The following CNTNAP2 variants were observed in gnomAD, a reference collection of about 807,000 sequenced individuals.
The protein encoded by CNTNAP2 is contactin associated protein 2, also known as contactin-associated protein-like 2.
In CNTNAP2, 98 loss-of-function variants were observed where a neutral mutation model predicts 155.2. The ratio of observed to expected loss-of-function variants is 0.63; its 90% CI spans 0.54 to 0.75. The LOEUF (loss-of-function observed/expected upper bound fraction) is 0.75. Among genes scored for constraint, CNTNAP2 ranks in the 30% least tolerant of loss-of-function variants. CNTNAP2 has a pLI of 0.00. For missense variants in CNTNAP2, 1,727 were observed against 1,688.1 expected (o/e 1.02, Z -0.40); for synonymous variants, 651 against 631.2 (o/e 1.03, Z -0.47).
rs778811922 is a variant in CNTNAP2, at chr7:148,383,634, CT to C, written c.3476-8del. The C allele has an allele frequency of 1.2e-6, 2 of 1,614,110 alleles. No individual in the cohort carries two copies. The highest frequency in any genetic ancestry group is 2.2e-5 in the South Asian group (2 of 91,084). ...GGTGAGTCAAGTAACATTTTCATTT[CT>C]TTTTTTCTTTTAGAAACAGGGAAAA... On this transcript the variant is annotated splice_polypyrimidine_tract_variant and intron_variant, in intron 21 of 23. Transcript: ENST00000361727.
intron 1 of CNTNAP2, among the ~76,000 whole-genome samples, chr7:146,226,964 C>G (rs994222890): frequency 6.6e-6 from 1 of 152,108 alleles, no homozygotes; most frequent in African/African-American, 2.4e-5. Flanking sequence ...TATCCATTGA[C>G]TCTCAAATAT....
chr7:146,882,193 C>G (rs548991387), intron 3 of CNTNAP2, among the ~76,000 whole-genome samples: 2 of 152,026 alleles, frequency 1.3e-5, no homozygotes, highest in Non-Finnish European at 2.9e-5. Flanking sequence ...AACCATATTT[C>G]CTTCATTCAA....
In CNTNAP2 at chr7:146,613,834, CT is replaced by C. The variant is rs1400426911; in HGVS notation, c.98-160433del. ...ACATGATCTTTAAGTGTTCTTTCAG[CT>C]TTTCTTTCACAGTTTTCTGTTGAGT... is the stretch of plus-strand genomic sequence containing the variant. On this transcript the variant is annotated intron_variant, in intron 1 of 23. Transcript: ENST00000361727. Among the ~76,000 whole-genome samples the C allele has an allele frequency of 1.4e-4, 6 of 42,652 alleles. No homozygotes were observed. The East Asian group carries it at 1.6e-3, about 12-fold the overall frequency. The allele number at this position is 42,652 out of a possible 152,430, so 28.0% of individuals were successfully genotyped here.
At chr7:147,881,254 A>G (rs150199572) in intron 13 of CNTNAP2, among the ~76,000 whole-genome samples, 231 of 152,324 alleles carry the variant, frequency 1.5e-3, no homozygotes, top group African/African-American at 5.3e-3. Context: ...ATGTAGCACC[A>G]CCAAATGCAG....
intron 1 of CNTNAP2, among the ~76,000 whole-genome samples, chr7:146,488,667 T>G (rs13437747): frequency 0.25 from 38,037 of 151,946 alleles, 7,403 homozygotes; most frequent in African/African-American, 0.55. Flanking sequence ...TCACTCTGTT[T>G]TTTGTGCTGG....
intron 1 of CNTNAP2, among the ~76,000 whole-genome samples, chr7:146,496,572 T>G (rs924400445): frequency 3.3e-5 from 5 of 152,182 alleles, no homozygotes; most frequent in Non-Finnish European, 5.9e-5. Flanking sequence ...CTTGTGATCT[T>G]CTAGAAGGGT....
chr7:148,184,276 T>A (rs1040876927), intron 18 of CNTNAP2, among the ~76,000 whole-genome samples: 3 of 152,228 alleles, frequency 2.0e-5, no homozygotes, highest in South Asian at 4.1e-4. Context: ...ATAAAAAAAA[T>A]AAATATCTAA....
intron 3 of CNTNAP2, among the ~76,000 whole-genome samples, chr7:146,843,670 C>A (rs1803787749): frequency 6.7e-6 from 1 of 149,148 alleles, no homozygotes; most frequent in African/African-American, 2.5e-5. Flanking sequence ...TCTAAAAATT[C>A]TTGAATATTT....
chr7:147,722,530 A>G (rs988839830), intron 13 of CNTNAP2, among the ~76,000 whole-genome samples: 2 of 152,126 alleles, frequency 1.3e-5, no homozygotes, highest in East Asian at 3.9e-4. Flanking sequence ...CAACAAGCAT[A>G]TGAAGGGAAA....
intron 1 of CNTNAP2, among the ~76,000 whole-genome samples, chr7:146,448,419 T>C (rs2129121677): frequency 6.6e-6 from 1 of 152,044 alleles, no homozygotes; most frequent in East Asian, 1.9e-4. Context: ...TTAAAGTTAT[T>C]TTTATTTCCG....
chr7:147,936,301 T>TA (rs1800605781), intron 14 of CNTNAP2, among the ~76,000 whole-genome samples: 1 of 39,328 alleles, frequency 2.5e-5, no homozygotes, highest in Admixed American at 3.8e-4. Context: ...ATTTATTTTA[T>TA]TTTTTTTTTT....
At chr7:147,435,552 G>C (rs748551163) in intron 10 of CNTNAP2, among the ~76,000 whole-genome samples, 2 of 152,230 alleles carry the variant, frequency 1.3e-5, no homozygotes, top group African/African-American at 4.8e-5. Flanking sequence ...TTGTGACTTA[G>C]CAAGGCTGTT....
intron 1 of CNTNAP2, among the ~76,000 whole-genome samples, chr7:146,351,761 T>G (rs1342204137): frequency 6.6e-6 from 1 of 152,192 alleles, no homozygotes; most frequent in Non-Finnish European, 1.5e-5. Context: ...TTATCTAAGT[T>G]CTTCTAAACT....
chr7:147,383,223 C>G (rs1233526839), intron 9 of CNTNAP2, among the ~76,000 whole-genome samples: 1 of 152,112 alleles, frequency 6.6e-6, no homozygotes, highest in East Asian at 1.9e-4. Context: ...TTACTCAATA[C>G]ATTTTTCTTC....
chr7:147,561,243 T>C (rs146117803), intron 11 of CNTNAP2, among the ~76,000 whole-genome samples: 1 of 152,346 alleles, frequency 6.6e-6, no homozygotes, highest in African/African-American at 2.4e-5. Flanking sequence ...CAAGTGCAAC[T>C]TACCCAAAGA....
chr7:148,227,926 TGTGTGTGTGA>T (rs1168834600), intron 19 of CNTNAP2, among the ~76,000 whole-genome samples: 1 of 150,454 alleles, frequency 6.6e-6, no homozygotes, highest in Non-Finnish European at 1.5e-5. Context: ...TGTGTGTGTG[TGTGTGTGTGA>T]AAGTCTGGAA....
intron 15 of CNTNAP2, among the ~76,000 whole-genome samples, chr7:148,104,774 G>C (rs945809275): frequency 6.6e-6 from 1 of 152,172 alleles, no homozygotes; most frequent in African/African-American, 2.4e-5. Context: ...AAGATGACTA[G>C]CATATCAGAT....
At chr7:146,810,688 A>C (rs1305486279) in intron 2 of CNTNAP2, among the ~76,000 whole-genome samples, 2 of 152,010 alleles carry the variant, frequency 1.3e-5, no homozygotes, top group Non-Finnish European at 2.9e-5. Flanking sequence ...TAGAAGTGAC[A>C]AGAGTGTGCA....
At chr7:147,371,073 A>G (rs1176523018) in intron 9 of CNTNAP2, among the ~76,000 whole-genome samples, 1 of 152,150 alleles carries the variant, frequency 6.6e-6, no homozygotes, top group Non-Finnish European at 1.5e-5. Flanking sequence ...AGATGCCTCA[A>G]ACCTTAACGC....
Sources: allele counts gnomAD v4.1 joint callset (sites outside exome capture counted in the v4.1 genomes callset), GRCh38; gene constraint gnomAD v4.1.1; transcripts MANE v1.5; gene names NCBI Gene and HGNC (gene_info 2026-07-23, HGNC 2026-07-21).